TNK1: variants seen among roughly 807,000 people sequenced by gnomAD.
TNK1 encodes the protein tyrosine kinase non receptor 1, also known as non-receptor tyrosine-protein kinase TNK1.
TNK1 carries 53 observed loss-of-function variants against 65.2 expected under a neutral mutation model. The observed-to-expected ratio is 0.81, with a 90% CI of 0.65 to 1.02. The LOEUF (loss-of-function observed/expected upper bound fraction) is 1.02. Among genes scored for constraint, TNK1 ranks in the 50% least tolerant of loss-of-function variants. The probability of loss-of-function intolerance (pLI) is 0.00; values close to 1 mark genes in which losing one functional copy is unlikely to be tolerated. For synonymous variants in TNK1, 353 were observed against 364.6 expected (o/e 0.97, Z 0.36); for missense variants, 837 against 878.4 (o/e 0.95, Z 0.60).
At position 7,388,929 on chromosome 17, in the gene TNK1, C is replaced by T; in HGVS notation, c.1873-42C>T. On this transcript the variant is annotated intron_variant, in intron 12 of 12. Transcript: ENST00000688331. This position sits in a 1 kb window ranked among gnomAD's most constrained non-coding sequence, Gnocchi z 4.5. ...TGGGGTCCCTCCTCTCCTGCCCCTG[C>T]CGCCTGGCAGTCAGCTGCAACCCAC... is the stretch of plus-strand genomic sequence containing the variant. The T allele has an allele frequency of 6.4e-7, 1 of 1,558,844 alleles. No homozygotes were observed.
chr17:7,384,105 G>A lies in TNK1; in HGVS notation c.718G>A (p.Gly240Arg). The A allele has an allele frequency of 6.5e-7, 1 of 1,546,792 alleles. No homozygotes were observed. ...AGCCATGGCGTACCTGGGGGCCCGCGGGCTGGTGCACCGAGACCTCGCTAC... is the reference window on the plus strand; with the variant it reads ...AGCCATGGCGTACCTGGGGGCCCGCAGGCTGGTGCACCGAGACCTCGCTAC... Reference protein sequence around the residue: ...AGAMAYLGARGLVHRDLATRN... With the variant: ...AGAMAYLGARRLVHRDLATRN... The change falls in exon 6 of 13, where the codon GGG (glycine) becomes AGG (arginine). Residue 240 changes from glycine (G) to arginine (R), a missense_variant. By Grantham distance (125) the Gly-to-Arg change is moderately radical. Coordinates refer to ENST00000688331, the MANE Select transcript of TNK1 (RefSeq NM_003985.6).
rs978510640 is a variant in TNK1, at chr17:7,382,557, G to A, written c.-91-279G>A. Among the ~76,000 whole-genome samples the A allele has an allele frequency of 1.3e-5, 2 of 152,156 alleles. No homozygotes were observed. The highest frequency in any genetic ancestry group is 2.4e-5 in the African/African-American group (1 of 41,432). ...GAGTTTGTGCCACTGCGTAGCTCAG[G>A]TCTAAAAGGGCAGTGTTTCTGGGTG... On this transcript the variant is annotated intron_variant, in intron 1 of 12. Coordinates refer to ENST00000688331, the MANE Select transcript of TNK1 (RefSeq NM_003985.6). The surrounding 1 kb of genome is among the most constrained non-coding windows in gnomAD (Gnocchi z 4.1).
At chr17:7,384,278 G>A (rs1444792833) in intron 6 of TNK1, 25 bp downstream of exon 6, 14 of 1,443,662 alleles carry the variant, frequency 9.7e-6, no homozygotes, top group Admixed American at 2.8e-5. Context: ...GCGGGCGGTC[G>A]GGCTCTGAGC....
chr17:7,388,586 C>G lies in TNK1; in HGVS notation c.1658C>G (p.Pro553Arg), dbSNP rs1332723061. ...QPSQPSRERL[P>R]WPKRKPPHNH... ...AGCCAGCCCTCTAGGGAGAGGCTTC[C>G]CTGGCCCAAAAGAAAACCCCCACAC... The change falls in exon 11 of 13, where the codon CCC (proline) becomes CGC (arginine). Residue 553 changes from proline to arginine, a missense_variant. Pro to Arg is a moderately radical substitution (Grantham distance 103, BLOSUM62 -2). Coordinates refer to ENST00000688331, the MANE Select transcript of TNK1 (RefSeq NM_003985.6). This position sits in a 1 kb window ranked among gnomAD's most constrained non-coding sequence, Gnocchi z 4.5. The G allele has an allele frequency of 6.2e-7, 1 of 1,613,870 alleles. No individual in the cohort carries two copies. Among genetic ancestry groups the G allele is most frequent in the African/African-American group, 1.3e-5 (1 of 74,916 alleles).
intron 10 of TNK1, 75 bp downstream of exon 10, chr17:7,387,532 C>G: frequency 8.2e-7 from 1 of 1,212,232 alleles, no homozygotes; most frequent in Non-Finnish European, 1.2e-6. Context: ...GCCCTAAATC[C>G]ATGCCTTTGC....
At chr17:7,387,249 G>A (rs1905231227) in intron 9 of TNK1, 95 bp downstream of exon 9, 3 of 1,513,516 alleles carry the variant, frequency 2.0e-6, no homozygotes, top group African/African-American at 2.8e-5. Flanking sequence ...CAGGACCAGA[G>A]TGAAGCTGCA....
Position 7,383,621 on chromosome 17 carries a change from G to A in TNK1, c.426+5G>A, listed in dbSNP as rs1904970735. The A allele has an allele frequency of 6.3e-7, 1 of 1,597,616 alleles. No homozygotes were observed. The highest frequency in any genetic ancestry group is 8.5e-7 in the Non-Finnish European group (1 of 1,170,328). ...ACGCTGCCCAGTGGCAAGAGTGTGAGTGTCCAGGGAGCCCGCTTCATCCAG... is the reference window on the plus strand; with the variant it reads ...ACGCTGCCCAGTGGCAAGAGTGTGAATGTCCAGGGAGCCCGCTTCATCCAG... On this transcript the variant is annotated splice_donor_5th_base_variant and intron_variant, in intron 4 of 12. Coordinates refer to ENST00000688331, the MANE Select transcript of TNK1 (RefSeq NM_003985.6).
In TNK1 at chr17:7,388,814, C is replaced by T; in HGVS notation, c.1803C>T (p.Thr601=). The T allele has an allele frequency of 6.2e-7, 1 of 1,607,884 alleles. No homozygotes were observed. Among genetic ancestry groups the T allele is most frequent in the East Asian group, 2.2e-5 (1 of 44,684 alleles). Residue 601 remains threonine, a synonymous_variant, in exon 12 of 13, where the codon ACC becomes ACT. Coordinates refer to ENST00000688331, the MANE Select transcript of TNK1 (RefSeq NM_003985.6). The surrounding 1 kb of genome is among the most constrained non-coding windows in gnomAD (Gnocchi z 4.5). Reference sequence around the variant, plus strand: ...TGGAGCTGAGTGTGCATGGGGTCACCCACCAGGAGTGCCAGACAGCACTAG... The same window carrying T: ...TGGAGCTGAGTGTGCATGGGGTCACTCACCAGGAGTGCCAGACAGCACTAG... ...MEVELSVHGV[T]HQECQTALGA...
At chr17:7,386,529 A>T in intron 7 of TNK1, 32 bp from the exon 8 acceptor site, 2 of 1,554,364 alleles carry the variant, frequency 1.3e-6, no homozygotes, top group South Asian at 2.3e-5. Flanking sequence ...TCAGGCCACA[A>T]GCCCAGCCAC....
rs777882953 is a variant in TNK1 at position 7,383,430 on chromosome 17, T to C, written c.240T>C (p.Leu80=). Residue 80 remains leucine (L), a synonymous_variant, in exon 4 of 13, where the codon CTT becomes CTC. Transcript: ENST00000688331. The part of the protein sequence containing the change: ...PKSKNWVYKI[L]GGFAPEHKEP... ...ATTTCCCATCCCTGTTTCAGATCCT[T>C]GGAGGTTTTGCCCCTGAGCACAAGG... 1.2e-6 allele frequency: 2 copies of C among 1,613,902 alleles called. No individual in the cohort carries two copies. Among genetic ancestry groups the C allele is most frequent in the African/African-American group, 1.3e-5 (1 of 75,034 alleles).
In TNK1 at chr17:7,389,471, C is replaced by G. The variant is rs1394340901; in HGVS notation, c.*387C>G. The G allele has an allele frequency of 2.4e-6, 1 of 423,348 alleles. No individual in the cohort carries two copies. The highest frequency in any genetic ancestry group is 2.0e-5 in the African/African-American group (1 of 49,324). The allele number at this position is 423,348 out of a possible 1,614,324, so 26.2% of individuals were successfully genotyped here. On this transcript the variant is annotated 3_prime_UTR_variant, in exon 13 of 13. Coordinates refer to ENST00000688331, the MANE Select transcript of TNK1 (RefSeq NM_003985.6). ...AACAGCCATCCTGAACTGCCATCAG[C>G]TACCACACTGGACTCTGCAGGGCAG...
intron 9 of TNK1, 68 bp downstream of exon 9, chr17:7,387,222 G>C: frequency 6.6e-7 from 1 of 1,515,040 alleles, no homozygotes; most frequent in Non-Finnish European, 8.8e-7. Context: ...AGCTTCTCTG[G>C]AAGAGAAGCC....
At position 7,383,636 on chromosome 17, in the gene TNK1, G is replaced by A. The variant is rs769148423; in HGVS notation, c.426+20G>A. On this transcript the variant is annotated intron_variant, in intron 4 of 12. Transcript: ENST00000688331. ...AAGAGTGTGAGTGTCCAGGGAGCCCGCTTCATCCAGGCCAGCTGCCCCCTC... is the reference window on the plus strand; with the variant it reads ...AAGAGTGTGAGTGTCCAGGGAGCCCACTTCATCCAGGCCAGCTGCCCCCTC... 5 of 1,593,982 alleles carry A rather than the reference G, an allele frequency of 3.1e-6. No individual in the cohort carries two copies. The highest frequency in any genetic ancestry group is 4.3e-6 in the Non-Finnish European group (5 of 1,168,302).
At position 7,383,470 on chromosome 17, in the gene TNK1, T is replaced by G. The variant is rs1065020; in HGVS notation, c.280T>G (p.Ser94Ala). The G allele has an allele frequency of 6.2e-7, 1 of 1,613,874 alleles. No individual in the cohort carries two copies. ...APEHKEPTLPSDSPRHLPEPE... is the reference protein window; with the variant it reads ...APEHKEPTLPADSPRHLPEPE... ...TGAGCACAAGGAGCCCACCCTGCCCTCGGACAGCCCACGGCACCTCCCTGA... is the reference window on the plus strand; with the variant it reads ...TGAGCACAAGGAGCCCACCCTGCCCGCGGACAGCCCACGGCACCTCCCTGA... The change falls in exon 4 of 13, where the codon TCG becomes GCG. Residue 94 changes from serine (S) to alanine (A), a missense_variant. Physicochemically the swap from Ser to Ala is moderately conservative, Grantham distance 99. Transcript: ENST00000688331.
At chr17:7,386,424 A>G (rs978943531) in intron 7 of TNK1, 137 bp from the exon 8 acceptor site, 5 of 647,180 alleles carry the variant, frequency 7.7e-6, no homozygotes, top group Non-Finnish European at 8.2e-6. Context: ...CTGAATTACA[A>G]TGGGGGGACA....
rs1329684241 is a variant in TNK1, at chr17:7,383,458, C to A, written c.268C>A (p.Pro90Thr). The A allele has an allele frequency of 6.2e-7, 1 of 1,613,918 alleles. No homozygotes were observed. Among genetic ancestry groups the A allele is most frequent in the East Asian group, 2.2e-5 (1 of 44,884 alleles). The change falls in exon 4 of 13, where the codon CCC becomes ACC. Residue 90 changes from proline to threonine, a missense_variant. By Grantham distance (38) the Pro-to-Thr change is conservative. Transcript: ENST00000688331. ...LGGFAPEHKEPTLPSDSPRHL... is the reference protein window; with the variant it reads ...LGGFAPEHKETTLPSDSPRHL... ...AGGTTTTGCCCCTGAGCACAAGGAG[C>A]CCACCCTGCCCTCGGACAGCCCACG...
chr17:7,384,245 C>T lies in TNK1; in HGVS notation c.858C>T (p.Pro286=). The change falls in exon 6 of 13, where the codon CCC becomes CCT. Residue 286 remains proline, a synonymous_variant. Coordinates refer to ENST00000688331, the MANE Select transcript of TNK1 (RefSeq NM_003985.6). ...TCATGGGCGGGCCCCGCCCTATCCCCTACGCCTGGTGAGAGCGGGTCCGCG... is the reference window on the plus strand; with the variant it reads ...TCATGGGCGGGCCCCGCCCTATCCCTTACGCCTGGTGAGAGCGGGTCCGCG... ...RYVMGGPRPI[P]YAWCAPESLR... is the part of the protein sequence containing the mutation. 6.8e-7 allele frequency: 1 copy of T among 1,478,822 alleles called. No individual in the cohort carries two copies. The highest frequency in any genetic ancestry group is 8.9e-7 in the Non-Finnish European group (1 of 1,122,802). The allele number at this position is 1,478,822 out of a possible 1,614,324, so 91.6% of individuals were successfully genotyped here.
At chr17:7,387,219 C>A in intron 9 of TNK1, 65 bp downstream of exon 9, 1 of 1,519,506 alleles carries the variant, frequency 6.6e-7, no homozygotes, top group African/African-American at 1.4e-5. Flanking sequence ...AGGAGCTTCT[C>A]TGGAAGAGAA....
rs1904798135 is a variant in TNK1, at chr17:7,381,302, C to T, written c.-92+188C>T. Among the ~76,000 whole-genome samples the T allele has an allele frequency of 3.3e-5, 5 of 152,172 alleles. No homozygotes were observed. In the South Asian group the frequency reaches 1.0e-3, roughly 32 times the overall value. ...ACCGAGCGCGCAGGGCCGGGTCCCC[C>T]AGGGTCCTGGGCTTTCTCCTTCCCA... On this transcript the variant is annotated intron_variant, in intron 1 of 12. Transcript: ENST00000688331.
Sources: allele counts gnomAD v4.1 joint callset (sites outside exome capture counted in the v4.1 genomes callset), GRCh38; gene constraint gnomAD v4.1.1; non-coding constraint Gnocchi (gnomAD v3.1); transcripts MANE v1.5; gene names NCBI Gene and HGNC (gene_info 2026-07-23, HGNC 2026-07-21).